Variants in NCMAP observed in about 807,000 individuals in gnomAD.
NCMAP encodes non-compact myelin associated protein.
NCMAP carries 8 observed loss-of-function variants against 7.8 expected under a neutral mutation model. The ratio of observed to expected loss-of-function variants is 1.02; its 90% confidence interval spans 0.60 to 1.84. The LOEUF is 1.84. Among genes scored for constraint, NCMAP ranks in the 40% most tolerant of loss-of-function variants. The pLI, the probability that NCMAP is intolerant of heterozygous loss-of-function variation, is 0.00. For synonymous variants in NCMAP, 41 were observed against 52.9 expected (o/e 0.78, Z 0.98); for missense variants, 112 against 131.4 (o/e 0.85, Z 0.72).
chr1:24,607,307 C>T lies in NCMAP; in HGVS notation c.*1560C>T, dbSNP rs1652796616. 6.6e-6 allele frequency: 1 copy of T among 151,774 alleles called. No homozygotes were observed. 9.4% of individuals were successfully genotyped at this position (151,774 alleles called of 1,614,324 possible). ...TGGACTATGGTGCCCAGCCTAGGAGCCAACATTATTATTATTATAGGCTTT... is the reference window on the plus strand; with the variant it reads ...TGGACTATGGTGCCCAGCCTAGGAGTCAACATTATTATTATTATAGGCTTT... On this transcript the variant is annotated 3_prime_UTR_variant, in exon 4 of 4. Coordinates refer to ENST00000374392, the MANE Select transcript of NCMAP (RefSeq NM_001010980.5).
chr1:24,599,348 T>A (rs1441924467), intron 2 of NCMAP, among the ~76,000 whole-genome samples: 2 of 150,280 alleles, frequency 1.3e-5, no homozygotes, highest in African/African-American at 4.9e-5. Flanking sequence ...AGAACTAATA[T>A]TGAAATTAGA....
intron 1 of NCMAP, among the ~76,000 whole-genome samples, chr1:24,569,289 C>CGGCCAACGGGACTGAG (rs1651321579): frequency 5.2e-4 from 79 of 151,116 alleles, no homozygotes; most frequent in African/African-American, 1.8e-3. Context: ...CCACCATGTC[C>CGGCCAACGGGACTGAG]AGTCCCAACA....
At chr1:24,604,651 T>TATATATAC (rs1652655090) in intron 3 of NCMAP, among the ~76,000 whole-genome samples, 1 of 84,268 alleles carries the variant, frequency 1.2e-5, no homozygotes, top group Non-Finnish European at 2.1e-5. Context: ...TATATATATA[T>TATATATAC]ATGTCAGCAA....
intron 1 of NCMAP, among the ~76,000 whole-genome samples, chr1:24,577,405 T>TTTTTTTTTTTTTTTTTTTTTTTTTTTG (rs1651609060): frequency 8.7e-6 from 1 of 114,304 alleles, no homozygotes; most frequent in African/African-American, 3.7e-5. Context: ...GGCCTTGTTT[T>TTTTTTTTTTTTTTTTTTTTTTTTTTTG]TTTTTTTTTT....
chr1:24,583,197 A>G (rs1057512790), intron 1 of NCMAP, among the ~76,000 whole-genome samples: 2 of 152,086 alleles, frequency 1.3e-5, no homozygotes, highest in Non-Finnish European at 2.9e-5. Context: ...GTCCTGTAAC[A>G]TTTTTGGTTG....
intron 2 of NCMAP, 92 bp from the exon 3 acceptor site, chr1:24,600,848 C>A: frequency 9.7e-7 from 1 of 1,033,168 alleles, no homozygotes; most frequent in Non-Finnish European, 1.5e-6. Context: ...CCTCCCTTGA[C>A]CTAGTGAGGA....
rs1339553110 is a variant in NCMAP at position 24,608,422 on chromosome 1, A to G, written c.*2675A>G. ...CCACTTCTAACTCCTTTGGGCATCC[A>G]TGCTCACGGCCAAAAGAGCCCCTTC... is the stretch of plus-strand genomic sequence containing the variant. On this transcript the variant is annotated 3_prime_UTR_variant, in exon 4 of 4. Transcript: ENST00000374392. 1 of 152,324 alleles carries G rather than the reference A, an allele frequency of 6.6e-6. No homozygotes were observed. Among genetic ancestry groups the G allele is most frequent in the Admixed American group, 6.5e-5 (1 of 15,280 alleles). The allele number at this position is 152,324 out of a possible 1,614,324, so 9.4% of individuals were successfully genotyped here.
chr1:24,567,335 A>C (rs568915784), intron 1 of NCMAP, among the ~76,000 whole-genome samples: 1 of 152,252 alleles, frequency 6.6e-6, no homozygotes, highest in South Asian at 2.1e-4. Context: ...AAGTGCTATA[A>C]CTAAGGTACC....
In NCMAP at chr1:24,601,432, T is replaced by G. The variant is rs1474394690; in HGVS notation, c.167+408T>G. 2.6e-5 allele frequency among the ~76,000 whole-genome samples: 4 copies of G among 152,144 alleles called. No homozygotes were observed. The East Asian group carries it at 7.7e-4, about 29-fold the overall frequency. Reference sequence around the variant, plus strand: ...CCTGACTCTGCTTTCTGGAGACGTATAAGGGGAAATAAAAGAATATAATTT... The same window carrying G: ...CCTGACTCTGCTTTCTGGAGACGTAGAAGGGGAAATAAAAGAATATAATTT... On this transcript the variant is annotated intron_variant, in intron 3 of 3. Transcript: ENST00000374392.
intron 1 of NCMAP, among the ~76,000 whole-genome samples, chr1:24,564,702 G>A (rs1651170296): frequency 6.6e-6 from 1 of 151,932 alleles, no homozygotes. Flanking sequence ...GTAACCAACA[G>A]TAGAAAAGAA....
chr1:24,579,472 T>C (rs1332520495), intron 1 of NCMAP, among the ~76,000 whole-genome samples: 1 of 152,132 alleles, frequency 6.6e-6, no homozygotes, highest in African/African-American at 2.4e-5. Context: ...TGGTGGCTCA[T>C]GTCTGTGATC....
At chr1:24,586,429 C>A (rs889757322) in intron 1 of NCMAP, among the ~76,000 whole-genome samples, 6 of 152,196 alleles carry the variant, frequency 3.9e-5, no homozygotes, top group African/African-American at 7.2e-5. Context: ...TGTCATCATG[C>A]GACTGTCACT....
At chr1:24,580,505 C>T (rs1398230530) in intron 1 of NCMAP, among the ~76,000 whole-genome samples, 1 of 152,166 alleles carries the variant, frequency 6.6e-6, no homozygotes, top group Non-Finnish European at 1.5e-5. Context: ...AGCTGGAGTG[C>T]AGTGGTGCGA....
In NCMAP at chr1:24,576,097, C is replaced by T. The variant is rs1007545389; in HGVS notation, c.-7-19327C>T. Among the ~76,000 whole-genome samples the T allele has an allele frequency of 6.6e-6, 1 of 152,110 alleles. No homozygotes were observed. Among genetic ancestry groups the T allele is most frequent in the African/African-American group, 2.4e-5 (1 of 41,412 alleles). On this transcript the variant is annotated intron_variant, in intron 1 of 3. Coordinates refer to ENST00000374392, the MANE Select transcript of NCMAP (RefSeq NM_001010980.5). The surrounding 1 kb of genome is among the most constrained non-coding windows in gnomAD (Gnocchi z 4.0). ...TTCTCCTGCCCTCCCTCGCTGTCCC[C>T]ATCCTCCACCCTCACCACTGCCACC...
In NCMAP at chr1:24,570,541, G is replaced by A. The variant is rs1026571110; in HGVS notation, c.-8+14372G>A. Among the ~76,000 whole-genome samples, 10 of 150,866 alleles carry A rather than the reference G, an allele frequency of 6.6e-5. 1 individual carries two copies. The highest frequency in any genetic ancestry group is 1.5e-4 in the African/African-American group (6 of 40,152). ...CAAAGTACTTAACAGGGGGCTTAGC[G>A]CTTAGAACTAAGTACATACAAGCTA... On this transcript the variant is annotated intron_variant, in intron 1 of 3. Coordinates refer to ENST00000374392, the MANE Select transcript of NCMAP (RefSeq NM_001010980.5).
At chr1:24,574,547 C>A (rs1182938029) in intron 1 of NCMAP, among the ~76,000 whole-genome samples, 1 of 152,150 alleles carries the variant, frequency 6.6e-6, no homozygotes, top group Non-Finnish European at 1.5e-5. Flanking sequence ...GCAGCCTCCA[C>A]GATTGCATAA....
Position 24,575,017 on chromosome 1 carries a change from T to C in NCMAP, c.-8+18848T>C, listed in dbSNP as rs1287193244. 2.6e-5 allele frequency among the ~76,000 whole-genome samples: 4 copies of C among 152,198 alleles called. No homozygotes were observed. In the East Asian group the frequency reaches 7.8e-4, roughly 30 times the overall value. On this transcript the variant is annotated intron_variant, in intron 1 of 3. Transcript: ENST00000374392. ...GTTGGCCAGGCTGGTCTTGAACTCC[T>C]GACCTCAGGTGATCCGCCAGCCTTG...
At chr1:24,556,454 C>A (rs572289675) in intron 1 of NCMAP, among the ~76,000 whole-genome samples, 103 of 152,254 alleles carry the variant, frequency 6.8e-4, no homozygotes, top group African/African-American at 2.2e-3. Context: ...AAGCATCTGG[C>A]GGAGGGGCCG....
intron 1 of NCMAP, among the ~76,000 whole-genome samples, chr1:24,569,917 C>T (rs1475803731): frequency 6.6e-6 from 1 of 150,436 alleles, no homozygotes; most frequent in Non-Finnish European, 1.5e-5. Flanking sequence ...GGACAAGTTA[C>T]TTAACCTCCT....
Sources: gnomAD v4.1 joint callset for allele counts (sites outside exome capture counted in the v4.1 genomes callset) on GRCh38, gnomAD v4.1.1 for gene constraint, Gnocchi (gnomAD v3.1) non-coding constraint, MANE v1.5 for transcripts, NCBI Gene and HGNC (gene_info 2026-07-23, HGNC 2026-07-21) for gene names.